The following URI1 variants were observed in gnomAD, a reference collection of about 807,000 sequenced individuals.
URI1 encodes the protein unconventional prefoldin RPB5 interactor 1.
A neutral mutation model predicts 60.2 loss-of-function variants in URI1; 39 were observed. That is an observed-to-expected ratio of 0.65 (90% CI 0.50 to 0.85). URI1 has a LOEUF of 0.85. Ranked by LOEUF, URI1 falls within the 40% of genes least tolerant of loss-of-function variation. The probability of loss-of-function intolerance (pLI) is 0.00; values close to 1 mark genes in which losing one functional copy is unlikely to be tolerated. For synonymous variants in URI1, 251 were observed against 236.8 expected (o/e 1.06, Z -0.55); for missense variants, 691 against 665.9 (o/e 1.04, Z -0.42).
chr19:29,982,782 G>C (rs930598553), intron 2 of URI1, among the ~76,000 whole-genome samples: 2 of 152,258 alleles, frequency 1.3e-5, no homozygotes, highest in Admixed American at 1.3e-4. Context: ...GAAAGTTTTG[G>C]AATTGATGTT....
At chr19:29,970,142 T>C (rs960642946) in intron 1 of URI1, among the ~76,000 whole-genome samples, 1 of 144,628 alleles carries the variant, frequency 6.9e-6, no homozygotes, top group African/African-American at 2.6e-5. Context: ...TTTTTTTTTT[T>C]TTTTTTTTTT....
intron 2 of URI1, among the ~76,000 whole-genome samples, chr19:29,975,212 T>C (rs1207793471): frequency 6.6e-6 from 1 of 152,180 alleles, no homozygotes; most frequent in East Asian, 1.9e-4. Flanking sequence ...ATTCCTTTTC[T>C]TTGCAGTCCT....
intron 1 of URI1, among the ~76,000 whole-genome samples, chr19:29,929,693 A>G (rs1040085306): frequency 6.6e-6 from 1 of 152,160 alleles, no homozygotes; most frequent in Non-Finnish European, 1.5e-5. Context: ...GCATTTCCCT[A>G]ATAATTAGTG....
intron 1 of URI1, among the ~76,000 whole-genome samples, chr19:29,964,747 C>A (rs1381654863): frequency 6.6e-6 from 1 of 151,800 alleles, no homozygotes; most frequent in Non-Finnish European, 1.5e-5. Flanking sequence ...CAGGTGTGAG[C>A]CACCACACCC....
intron 4 of URI1, among the ~76,000 whole-genome samples, chr19:30,001,257 A>C (rs1443427753): frequency 6.6e-6 from 1 of 151,890 alleles, no homozygotes; most frequent in Admixed American, 6.6e-5. Context: ...GTGCATAGGC[A>C]AGGTTTGTTG....
intron 1 of URI1, among the ~76,000 whole-genome samples, chr19:29,924,152 T>C (rs1174285721): frequency 6.6e-6 from 1 of 152,158 alleles, no homozygotes; most frequent in Non-Finnish European, 1.5e-5. Flanking sequence ...CCACCTACAT[T>C]GGTGAGGGCA....
intron 4 of URI1, among the ~76,000 whole-genome samples, chr19:29,991,554 A>AT (rs1030488405): frequency 1.7e-4 from 25 of 151,122 alleles, no homozygotes; most frequent in South Asian, 4.2e-4. Context: ...AATAGCTCCT[A>AT]TTTTTTTTTA....
chr19:29,954,232 A>C (rs1293788421), intron 1 of URI1, among the ~76,000 whole-genome samples: 3 of 152,226 alleles, frequency 2.0e-5, no homozygotes, highest in Non-Finnish European at 4.4e-5. Flanking sequence ...ATGTCTTTGC[A>C]GTTTCATTGG....
intron 2 of URI1, among the ~76,000 whole-genome samples, chr19:29,981,763 A>G (rs1053808812): frequency 1.3e-5 from 2 of 152,260 alleles, no homozygotes; most frequent in African/African-American, 2.4e-5. Context: ...TCTTAACTCT[A>G]TCTGGGTTTT....
intron 1 of URI1, among the ~76,000 whole-genome samples, chr19:29,949,280 G>T (rs557500672): frequency 5.3e-5 from 8 of 152,084 alleles, no homozygotes; most frequent in African/African-American, 1.4e-4. Context: ...CGGGGTCGTG[G>T]CCGGGCAGAG....
intron 1 of URI1, among the ~76,000 whole-genome samples, chr19:29,967,671 G>A (rs1466069081): frequency 1.3e-5 from 2 of 152,208 alleles, no homozygotes; most frequent in Admixed American, 1.3e-4. Flanking sequence ...GACTGCAGCT[G>A]TAACCAGTGT....
intron 4 of URI1, among the ~76,000 whole-genome samples, chr19:29,995,541 T>G (rs999328032): frequency 2.2e-5 from 1 of 44,916 alleles, no homozygotes; most frequent in Non-Finnish European, 4.1e-5. Flanking sequence ...CTTCTTTTAT[T>G]TTGTCTTACT....
chr19:29,971,726 T>C (rs1049654394), intron 2 of URI1, among the ~76,000 whole-genome samples: 3 of 151,780 alleles, frequency 2.0e-5, no homozygotes, highest in Non-Finnish European at 4.4e-5. Context: ...TCTATTTTAA[T>C]GTGCTAATCT....
chr19:30,012,483 A>G lies in URI1; in HGVS notation c.1377A>G (p.Glu459=). The G allele has an allele frequency of 6.8e-6, 11 of 1,614,232 alleles. No individual in the cohort carries two copies. The highest frequency in any genetic ancestry group is 9.3e-6 in the Non-Finnish European group (11 of 1,180,012). The change falls in exon 10 of 11, where the codon GAA becomes GAG. Residue 459 remains glutamate, a synonymous_variant. Coordinates refer to ENST00000392271, the MANE Select transcript of URI1 (RefSeq NM_003796.3). Reference sequence around the variant, plus strand: ...CCAGTGAGAGCATTTTGGAAGAGGAACCACAAGAAAATCAAAAGAAACTTT... The same window carrying G: ...CCAGTGAGAGCATTTTGGAAGAGGAGCCACAAGAAAATCAAAAGAAACTTT... ...SDTSESILEE[E]PQENQKKLLP... is the part of the protein sequence containing the mutation.
chr19:29,956,632 T>G (rs1011828519), intron 1 of URI1: 3 of 1,510,838 alleles, frequency 2.0e-6, no homozygotes, highest in Admixed American at 1.7e-5. Flanking sequence ...GATGTATTTT[T>G]CACCCAAGAA....
intron 1 of URI1, among the ~76,000 whole-genome samples, chr19:29,931,530 A>G (rs894831805): frequency 6.6e-6 from 1 of 152,170 alleles, no homozygotes; most frequent in Non-Finnish European, 1.5e-5. Context: ...TAAAGGCCCT[A>G]TCTTCAGAAA....
intron 7 of URI1, 53 bp downstream of exon 7, chr19:30,007,691 C>T: frequency 1.4e-6 from 2 of 1,446,726 alleles, no homozygotes; most frequent in Non-Finnish European, 1.8e-6. Flanking sequence ...TACACATTTC[C>T]TCATTAATCT....
At chr19:29,927,979 G>C (rs911128607) in intron 1 of URI1, among the ~76,000 whole-genome samples, 2 of 152,048 alleles carry the variant, frequency 1.3e-5, no homozygotes, top group Admixed American at 6.6e-5. Flanking sequence ...GATTAGAAAA[G>C]GCCATGCCAC....
intron 1 of URI1, among the ~76,000 whole-genome samples, chr19:29,965,452 CCTGAAAAGCA>C (rs2055380692): frequency 6.6e-6 from 1 of 152,124 alleles, no homozygotes; most frequent in Admixed American, 6.5e-5. Context: ...AGTTCGGAAG[CCTGAAAAGCA>C]CTGAAAACAC....
Sources: gnomAD v4.1 joint callset for allele counts (sites outside exome capture counted in the v4.1 genomes callset) on GRCh38, gnomAD v4.1.1 for gene constraint, MANE v1.5 for transcripts, NCBI Gene and HGNC (gene_info 2026-07-23, HGNC 2026-07-21) for gene names.